C10orf143: variants seen among roughly 807,000 people sequenced by gnomAD.
C10orf143 encodes the protein chromosome 10 open reading frame 143, also known as uncharacterized protein C10orf143.
At chr10:130,106,152 C>T (rs1176392725) in intron 1 of C10orf143, 1 of 814,746 alleles carries the variant, frequency 1.2e-6, no homozygotes, top group East Asian at 3.0e-5. Flanking sequence ...GATTCGAATC[C>T]TCATGGTTTT....
At chr10:130,054,096 G>A (rs543568297) in intron 3 of C10orf143, among the ~76,000 whole-genome samples, 1 of 152,276 alleles carries the variant, frequency 6.6e-6, no homozygotes, top group Admixed American at 6.5e-5. Context: ...GTTACCTACA[G>A]GCACAGTGTT....
At chr10:130,076,869 A>G (rs186504177) in intron 3 of C10orf143, among the ~76,000 whole-genome samples, 90 of 152,256 alleles carry the variant, frequency 5.9e-4, no homozygotes, top group Middle Eastern at 3.4e-3. Context: ...GAAGCCTCCT[A>G]GCCATGGCGA....
intron 1 of C10orf143, among the ~76,000 whole-genome samples, chr10:130,094,733 A>C (rs1861436649): frequency 6.6e-6 from 1 of 152,238 alleles, no homozygotes; most frequent in Non-Finnish European, 1.5e-5. Context: ...ATTTCAAAAT[A>C]ATAAGAGCTA....
At position 130,079,915 on chromosome 10, in the gene C10orf143, A is replaced by C. The variant is rs966669071; in HGVS notation, c.70-14T>G. ...GCATACCCGTTTCTGAAACAAACAAAATTTTACTTTAGATGGTCTCATAAA... is the reference window on the plus strand; with the variant it reads ...GCATACCCGTTTCTGAAACAAACAACATTTTACTTTAGATGGTCTCATAAA... On this transcript the variant is annotated splice_polypyrimidine_tract_variant and intron_variant, in intron 1 of 3. Transcript: ENST00000637128. 1 of 398,516 alleles carries C rather than the reference A, an allele frequency of 2.5e-6. No individual in the cohort carries two copies. Among genetic ancestry groups the C allele is most frequent in the African/African-American group, 2.1e-5 (1 of 48,626 alleles). 24.7% of individuals were successfully genotyped at this position (398,516 alleles called of 1,614,324 possible).
intron 3 of C10orf143, among the ~76,000 whole-genome samples, chr10:130,039,062 C>G (rs1322474369): frequency 2.0e-5 from 3 of 152,198 alleles, no homozygotes; most frequent in Admixed American, 6.5e-5. Context: ...CAAACCAGGA[C>G]AGTTGGTCCC....
At chr10:130,079,958 T>G (rs1387658816) in intron 1 of C10orf143, 57 bp from the exon 2 acceptor site, 2 of 398,502 alleles carry the variant, frequency 5.0e-6, no homozygotes, top group East Asian at 7.1e-5. Context: ...ACACTCTAAT[T>G]GAATTTGCTT....
chr10:130,063,374 C>T (rs1157853513), downstream of C10orf143, among the ~76,000 whole-genome samples: 1 of 152,170 alleles, frequency 6.6e-6, no homozygotes, highest in South Asian at 2.1e-4. Context: ...AAAGATCTTT[C>T]GTAAGGCTAC....
At chr10:130,040,741 C>A (rs7090364) in intron 3 of C10orf143, among the ~76,000 whole-genome samples, 109,622 of 151,832 alleles carry the variant, frequency 0.72, 39,770 homozygotes, top group South Asian at 0.84. Context: ...GCTGGGGCAG[C>A]AGAATTGTTT....
intron 1 of C10orf143, among the ~76,000 whole-genome samples, chr10:130,098,049 A>T (rs1321163457): frequency 6.6e-6 from 1 of 151,866 alleles, no homozygotes; most frequent in Non-Finnish European, 1.5e-5. Flanking sequence ...CTGGCCAGGC[A>T]TGGTGGCTCA....
chr10:130,041,366 C>G (rs996501528), intron 3 of C10orf143, among the ~76,000 whole-genome samples: 2 of 152,116 alleles, frequency 1.3e-5, no homozygotes, highest in South Asian at 4.1e-4. Context: ...GAGTCAGTAC[C>G]AAGGAGGCCA....
At chr10:130,080,232 T>C (rs1339348514) in intron 1 of C10orf143, among the ~76,000 whole-genome samples, 1 of 152,224 alleles carries the variant, frequency 6.6e-6, no homozygotes, top group Non-Finnish European at 1.5e-5. Context: ...TAAATTTTGT[T>C]CAAGAAACTA....
chr10:130,077,038 G>C (rs1049468597), intron 3 of C10orf143, among the ~76,000 whole-genome samples: 5 of 152,158 alleles, frequency 3.3e-5, no homozygotes, highest in Non-Finnish European at 7.3e-5. Context: ...GGGCTACGAG[G>C]TGACGGTCCT....
At chr10:130,107,270 G>T (rs1861667229) in intron 1 of C10orf143, 1 of 1,183,122 alleles carries the variant, frequency 8.5e-7, no homozygotes. Flanking sequence ...GTTAGAGAAA[G>T]AAGAGAAACT....
chr10:130,048,867 T>C (rs1392182816), intron 3 of C10orf143, among the ~76,000 whole-genome samples: 2 of 152,000 alleles, frequency 1.3e-5, no homozygotes, highest in Non-Finnish European at 2.9e-5. Flanking sequence ...CATACCCAGT[T>C]AGTTTTATTT....
intron 4 of C10orf143, among the ~76,000 whole-genome samples, chr10:130,035,704 G>A (rs956144186): frequency 6.6e-6 from 1 of 152,248 alleles, no homozygotes; most frequent in Non-Finnish European, 1.5e-5. Flanking sequence ...ACACAGCTGG[G>A]AAGTGAGTAG....
At chr10:130,080,455 T>A (rs1403806336) in intron 1 of C10orf143, among the ~76,000 whole-genome samples, 1 of 152,022 alleles carries the variant, frequency 6.6e-6, no homozygotes, top group Non-Finnish European at 1.5e-5. Context: ...ACAAAAGGAA[T>A]CCTGTAATGC....
chr10:130,107,770 A>C (rs1314558974), intron 1 of C10orf143: 1 of 1,236,810 alleles, frequency 8.1e-7, no homozygotes, highest in Non-Finnish European at 1.2e-6. Flanking sequence ...GAGGAGAATC[A>C]AGCTGTGAAA....
At chr10:130,083,596 G>C (rs1450199567) in intron 1 of C10orf143, among the ~76,000 whole-genome samples, 2 of 152,188 alleles carry the variant, frequency 1.3e-5, no homozygotes, top group Non-Finnish European at 2.9e-5. Flanking sequence ...AACTGGTCTA[G>C]AGTGATTTCC....
chr10:130,074,395 T>C (rs1000544758), intron 3 of C10orf143, among the ~76,000 whole-genome samples: 2 of 152,220 alleles, frequency 1.3e-5, no homozygotes, highest in Non-Finnish European at 2.9e-5. Flanking sequence ...CCCTCCATGA[T>C]TGTGTTTTCT....
Sources: allele counts gnomAD v4.1 joint callset (sites outside exome capture counted in the v4.1 genomes callset), GRCh38; gene constraint gnomAD v4.1.1; transcripts MANE v1.5; gene names NCBI Gene and HGNC (gene_info 2026-07-23, HGNC 2026-07-21).